Variants in DROSHA observed in about 807,000 individuals in gnomAD.
The protein encoded by DROSHA is drosha ribonuclease III.
A neutral mutation model predicts 181.9 loss-of-function variants in DROSHA; 56 were observed. The observed-to-expected ratio is 0.31, with a 90% CI of 0.25 to 0.38. The LOEUF (loss-of-function observed/expected upper bound fraction) is 0.38. Ranked by LOEUF, DROSHA falls within the 10% of genes least tolerant of loss-of-function variation. The pLI is 1.00. For synonymous variants in DROSHA, 524 were observed against 591.2 expected (o/e 0.89, Z 1.65); for missense variants, 1,218 against 1,743.5 (o/e 0.70, Z 5.37).
chr5:31,422,956 T>C lies in DROSHA; in HGVS notation c.3262-12A>G, dbSNP rs1012494996. 35 of 1,518,746 alleles carry C rather than the reference T, an allele frequency of 2.3e-5. No homozygotes were observed. The highest frequency in any genetic ancestry group is 2.9e-5 in the Non-Finnish European group (33 of 1,137,312). The allele number at this position is 1,518,746 out of a possible 1,614,324, so 94.1% of individuals were successfully genotyped here. ...TTTGGCTCTTGTAGCTACAGGAAAA[T>C]AGAAATAAATAAAAATCATTTTTTC... is the stretch of plus-strand genomic sequence containing the variant. On this transcript the variant is annotated splice_polypyrimidine_tract_variant and intron_variant, in intron 28 of 35. Coordinates refer to ENST00000344624, the MANE Select transcript of DROSHA (RefSeq NM_001382508.1).
At chr5:31,428,072 C>G (rs1743696987) in intron 27 of DROSHA, among the ~76,000 whole-genome samples, 1 of 152,224 alleles carries the variant, frequency 6.6e-6, no homozygotes, top group Non-Finnish European at 1.5e-5. Context: ...GTATTAAACG[C>G]TGCACATGCC....
chr5:31,461,241 TA>T (rs1748370564), intron 20 of DROSHA, among the ~76,000 whole-genome samples: 1 of 152,128 alleles, frequency 6.6e-6, no homozygotes, highest in Admixed American at 6.5e-5. Context: ...ATTTCAAGGT[TA>T]AAAAAATTCA....
At chr5:31,464,874 G>A (rs930568067) in intron 19 of DROSHA, among the ~76,000 whole-genome samples, 5 of 151,888 alleles carry the variant, frequency 3.3e-5, no homozygotes, top group Middle Eastern at 3.2e-3. Context: ...TCCCTTTCAC[G>A]GCCCTTCAAA....
chr5:31,502,508 T>C (rs1753675686), intron 11 of DROSHA, among the ~76,000 whole-genome samples: 1 of 152,198 alleles, frequency 6.6e-6, no homozygotes, highest in South Asian at 2.1e-4. Context: ...CCACCCATCA[T>C]AGGCTAAATT....
intron 13 of DROSHA, among the ~76,000 whole-genome samples, chr5:31,491,799 T>C (rs914110667): frequency 1.3e-5 from 2 of 152,128 alleles, no homozygotes; most frequent in East Asian, 1.9e-4. Flanking sequence ...TTTTCTATAT[T>C]TATTTATTTA....
At chr5:31,499,521 C>G (rs1753348562) in intron 11 of DROSHA, among the ~76,000 whole-genome samples, 1 of 152,142 alleles carries the variant, frequency 6.6e-6, no homozygotes, top group Admixed American at 6.5e-5. Context: ...GAATTAGAAG[C>G]TGTACACCGG....
chr5:31,482,814 CTT>C (rs200907484), intron 16 of DROSHA, among the ~76,000 whole-genome samples: 20 of 144,498 alleles, frequency 1.4e-4, no homozygotes, highest in Admixed American at 3.5e-4. Context: ...ATTAAAAATA[CTT>C]TTTTTTTTTT....
intron 25 of DROSHA, among the ~76,000 whole-genome samples, chr5:31,435,022 G>A (rs1387762228): frequency 6.6e-6 from 1 of 152,172 alleles, no homozygotes; most frequent in African/African-American, 2.4e-5. Flanking sequence ...TGTGTGCCAA[G>A]GGCTAATGTC....
chr5:31,446,298 T>A (rs1477055891), intron 23 of DROSHA, among the ~76,000 whole-genome samples: 2 of 151,320 alleles, frequency 1.3e-5, no homozygotes, highest in African/African-American at 4.9e-5. Context: ...TACAAAAAAA[T>A]TAGCCGGGTG....
Position 31,487,636 on chromosome 5 carries a change from A to C in DROSHA, c.1843-1074T>G, listed in dbSNP as rs998497487. On this transcript the variant is annotated intron_variant, in intron 13 of 35. Coordinates refer to ENST00000344624, the MANE Select transcript of DROSHA (RefSeq NM_001382508.1). ...ATTTTCATAAACCACAGCAATCAGA[A>C]AGAAACAAATTTTAATTCTATCAGT... Among the ~76,000 whole-genome samples, 8 of 152,326 alleles carry C rather than the reference A, an allele frequency of 5.3e-5. No homozygotes were observed. The East Asian group carries it at 1.4e-3, about 26-fold the overall frequency.
chr5:31,486,507 T>C lies in DROSHA; in HGVS notation c.1898A>G (p.Glu633Gly), dbSNP rs1446302214. 6.2e-7 allele frequency: 1 copy of C among 1,613,778 alleles called. No individual in the cohort carries two copies. Among genetic ancestry groups the C allele is most frequent in the Admixed American group, 1.7e-5 (1 of 59,926 alleles). ...FNIDYTIHFI[E>G]EMMPENFCVK... is the part of the protein sequence containing the mutation. ...TTCCCTTACCTCCGGCATCATCTCT[T>C]CAATGAAATGAATCGTGTAGTCTAT... Residue 633 changes from glutamate to glycine, a missense_variant, in exon 14 of 36, where the codon GAA (glutamate) becomes GGA (glycine). Physicochemically the swap from Glu to Gly is moderately conservative, Grantham distance 98. Transcript: ENST00000344624.
intron 31 of DROSHA, among the ~76,000 whole-genome samples, chr5:31,410,021 A>G (rs755500668): frequency 6.6e-6 from 1 of 151,868 alleles, no homozygotes; most frequent in Non-Finnish European, 1.5e-5. Context: ...TGTGATTTTC[A>G]TCTTTAAATT....
intron 33 of DROSHA, chr5:31,408,748 C>A: frequency 4.1e-6 from 1 of 246,560 alleles, no homozygotes; most frequent in Non-Finnish European, 7.9e-6. Context: ...ATATAAAAAC[C>A]ACTGAATCCA....
intron 1 of DROSHA, 62 bp from the exon 2 acceptor site, chr5:31,531,587 C>A (rs1741392829): frequency 6.6e-6 from 1 of 152,206 alleles, no homozygotes; most frequent in Non-Finnish European, 1.5e-5. Flanking sequence ...AGTGTGACTA[C>A]ATTTTTATTG....
chr5:31,446,271 C>A (rs1215184806), intron 23 of DROSHA, among the ~76,000 whole-genome samples: 1 of 151,350 alleles, frequency 6.6e-6, no homozygotes, highest in East Asian at 2.0e-4. Context: ...ACAGTGAGAC[C>A]CTGTCTCTAC....
At chr5:31,504,397 C>G (rs149448836) in intron 11 of DROSHA, among the ~76,000 whole-genome samples, 158 bp downstream of exon 11, 4 of 152,262 alleles carry the variant, frequency 2.6e-5, no homozygotes, top group Non-Finnish European at 5.9e-5. Flanking sequence ...GCTCCCAAAA[C>G]CCAAGTGCTT....
At chr5:31,405,623 C>T in intron 35 of DROSHA, 54 bp downstream of exon 35, 1 of 1,454,466 alleles carries the variant, frequency 6.9e-7, no homozygotes, top group Non-Finnish European at 9.3e-7. Flanking sequence ...ATTTCCTTTC[C>T]ATAAAACACT....
Position 31,411,882 on chromosome 5 carries a change from C to T in DROSHA, c.3526-995G>A, listed in dbSNP as rs377463843. Among the ~76,000 whole-genome samples the T allele has an allele frequency of 1.3e-5, 2 of 152,226 alleles. No homozygotes were observed. The highest frequency in any genetic ancestry group is 4.1e-4 in the South Asian group (2 of 4,836). On this transcript the variant is annotated intron_variant, in intron 30 of 35. Transcript: ENST00000344624. The surrounding 1 kb of genome is among the most constrained non-coding windows in gnomAD (Gnocchi z 4.2). The stretch of plus-strand genomic sequence containing the variant: ...GCTCAAGTGATCCACCCACCTTGAC[C>T]TTTCAAAGTGTTGGGATTACAGGCG...
At chr5:31,477,146 T>C (rs1750468887) in intron 16 of DROSHA, among the ~76,000 whole-genome samples, 1 of 152,212 alleles carries the variant, frequency 6.6e-6, no homozygotes, top group Admixed American at 6.5e-5. Flanking sequence ...AGGGAATGAA[T>C]CTGGACAGTC....
Sources: allele counts gnomAD v4.1 joint callset (sites outside exome capture counted in the v4.1 genomes callset), GRCh38; gene constraint gnomAD v4.1.1; non-coding constraint Gnocchi (gnomAD v3.1); transcripts MANE v1.5; gene names NCBI Gene and HGNC (gene_info 2026-07-23, HGNC 2026-07-21).